CDC5L: variants seen among roughly 807,000 people sequenced by gnomAD.
CDC5L encodes the protein cell division cycle 5 like.
A neutral mutation model predicts 104.1 loss-of-function variants in CDC5L; 18 were observed. The observed-to-expected ratio is 0.17, with a 90% CI of 0.12 to 0.26. The LOEUF is 0.26. Ranked by LOEUF, CDC5L falls within the 10% of genes least tolerant of loss-of-function variation. The pLI, the probability that CDC5L is intolerant of heterozygous loss-of-function variation, is 1.00. For synonymous variants in CDC5L, 331 were observed against 322.7 expected, an observed-to-expected ratio of 1.03 and a Z score of -0.28; for missense variants, 673 against 956.9, an observed-to-expected ratio of 0.70 and a Z score of 3.91.
intron 11 of CDC5L, among the ~76,000 whole-genome samples, chr6:44,425,090 T>A (rs1792360603): frequency 6.6e-6 from 1 of 152,128 alleles, no homozygotes; most frequent in Non-Finnish European, 1.5e-5. Context: ...CAAAATAATA[T>A]TAGTAACACT....
chr6:44,388,185 A>AGTTCCAACTCAGC (rs1299581810), intron 1 of CDC5L, among the ~76,000 whole-genome samples: 1 of 115,758 alleles, frequency 8.6e-6, no homozygotes, highest in Non-Finnish European at 1.7e-5. Flanking sequence ...AAGAACTCAG[A>AGTTCCAACTCAGC]GTTCCAACTC....
intron 9 of CDC5L, among the ~76,000 whole-genome samples, chr6:44,421,811 TCAGGGAGTTGAGTATCTG>T (rs1464936600): frequency 5.9e-5 from 9 of 152,188 alleles, no homozygotes; most frequent in Admixed American, 2.0e-4. Flanking sequence ...CCGTTTTATA[TCAGGGAGTTGAGTATCTG>T]CAGGGAGTTG....
At chr6:44,390,909 GTTATATA>G (rs1029620348) in intron 2 of CDC5L, among the ~76,000 whole-genome samples, 2 of 141,152 alleles carry the variant, frequency 1.4e-5, no homozygotes, top group Admixed American at 7.1e-5. Context: ...CATACTTAAT[GTTATATA>G]TTATATATTA....
At chr6:44,421,763 C>A (rs576168338) in intron 9 of CDC5L, among the ~76,000 whole-genome samples, 2 of 152,114 alleles carry the variant, frequency 1.3e-5, no homozygotes, top group Non-Finnish European at 2.9e-5. Context: ...ATTTAAAGTA[C>A]ATGGGAGGAT....
At chr6:44,390,217 T>C in intron 1 of CDC5L, 51 bp from the exon 2 acceptor site, 1 of 1,193,524 alleles carries the variant, frequency 8.4e-7, no homozygotes, top group East Asian at 2.4e-5. Context: ...ATTTTGTCTT[T>C]TCCCACTTGG....
intron 4 of CDC5L, among the ~76,000 whole-genome samples, chr6:44,394,855 CAAAAAAAAAAAAA>C (rs60864045): frequency 1.7e-4 from 10 of 59,064 alleles, no homozygotes; most frequent in African/African-American, 5.9e-4. Flanking sequence ...GACCCTGTCT[CAAAAAAAAAAAAA>C]AAAAAAAAAA....
intron 1 of CDC5L, among the ~76,000 whole-genome samples, chr6:44,389,426 C>T (rs1440555691): frequency 1.3e-5 from 2 of 152,152 alleles, no homozygotes; most frequent in African/African-American, 2.4e-5. Flanking sequence ...GAGGCACGTA[C>T]CTCAAATCCA....
intron 9 of CDC5L, among the ~76,000 whole-genome samples, chr6:44,420,358 AC>A (rs1427298947): frequency 6.7e-6 from 1 of 149,424 alleles, no homozygotes; most frequent in Non-Finnish European, 1.5e-5. Context: ...CAAAATCCAA[AC>A]TTTTTTTTTT....
chr6:44,418,694 T>C (rs1406969484), intron 8 of CDC5L, among the ~76,000 whole-genome samples: 2 of 152,184 alleles, frequency 1.3e-5, no homozygotes, highest in Non-Finnish European at 2.9e-5. Flanking sequence ...TTCTAACTGG[T>C]GTGAGATGGT....
intron 1 of CDC5L, among the ~76,000 whole-genome samples, chr6:44,388,333 G>C (rs1361803626): frequency 6.6e-6 from 1 of 152,096 alleles, no homozygotes; most frequent in Non-Finnish European, 1.5e-5. Context: ...GAAGCAGTTT[G>C]AGTGCCAGGT....
At chr6:44,440,985 G>A (rs774305397) in intron 14 of CDC5L, among the ~76,000 whole-genome samples, 7 of 152,150 alleles carry the variant, frequency 4.6e-5, no homozygotes, top group East Asian at 1.9e-4. Context: ...TGGGATTACA[G>A]GTGTGAGCCA....
intron 14 of CDC5L, among the ~76,000 whole-genome samples, chr6:44,445,442 T>G (rs575444827): frequency 6.6e-6 from 1 of 152,300 alleles, no homozygotes; most frequent in African/African-American, 2.4e-5. Flanking sequence ...TATAAATAGA[T>G]TATAGATTAT....
Position 44,424,592 on chromosome 6 carries a change from CTG to C in CDC5L, c.1569+11_1569+12del, listed in dbSNP as rs754476237. 3 of 1,613,236 alleles carry C rather than the reference CTG, an allele frequency of 1.9e-6. No individual in the cohort carries two copies. The highest frequency in any genetic ancestry group is 2.7e-5 in the African/African-American group (2 of 74,894). ...TGGATGCTCGAAAGCAGGTGGGTAACTGTACTGAAAGAAGCGTGAGTTTGGCT... is the reference window on the plus strand; with the variant it reads ...TGGATGCTCGAAAGCAGGTGGGTAACTACTGAAAGAAGCGTGAGTTTGGCT... On this transcript the variant is annotated intron_variant, in intron 11 of 15. Transcript: ENST00000371477.
chr6:44,410,692 C>T (rs562730699), intron 8 of CDC5L, among the ~76,000 whole-genome samples: 1 of 152,164 alleles, frequency 6.6e-6, no homozygotes, highest in East Asian at 1.9e-4. Context: ...TTTTTCTTTT[C>T]TTGAAGCTTA....
At chr6:44,393,707 C>G in intron 4 of CDC5L, 134 bp downstream of exon 4, 1 of 877,696 alleles carries the variant, frequency 1.1e-6, no homozygotes, top group Non-Finnish European at 1.6e-6. Context: ...CTCTGTTACC[C>G]AGGCTGGAAT....
chr6:44,409,439 ACT>A (rs757285087), intron 8 of CDC5L, among the ~76,000 whole-genome samples: 24 of 152,006 alleles, frequency 1.6e-4, no homozygotes, highest in Non-Finnish European at 2.8e-4. Flanking sequence ...TTATCTTATG[ACT>A]CTGTAAATCC....
At chr6:44,426,037 T>C (rs374572112) in intron 11 of CDC5L, 66 bp from the exon 12 acceptor site, 1 of 1,105,972 alleles carries the variant, frequency 9.0e-7, no homozygotes. Flanking sequence ...CAAAGTGTTT[T>C]TAGCTTTACT....
chr6:44,390,569 C>T (rs1445288564), intron 2 of CDC5L, among the ~76,000 whole-genome samples, 198 bp downstream of exon 2: 1 of 152,172 alleles, frequency 6.6e-6, no homozygotes, highest in Non-Finnish European at 1.5e-5. Flanking sequence ...TTCTATCCCT[C>T]TCCCCTGCCC....
intron 5 of CDC5L, among the ~76,000 whole-genome samples, chr6:44,401,769 G>A (rs1276440640): frequency 1.3e-5 from 2 of 150,994 alleles, no homozygotes; most frequent in African/African-American, 4.9e-5. Flanking sequence ...TCATCATTTA[G>A]CATTAGGTAT....
Sources: gnomAD v4.1 joint callset for allele counts (sites outside exome capture counted in the v4.1 genomes callset) on GRCh38, gnomAD v4.1.1 for gene constraint, MANE v1.5 for transcripts, NCBI Gene and HGNC (gene_info 2026-07-23, HGNC 2026-07-21) for gene names.